Variants in MKLN1 observed in about 807,000 individuals in gnomAD.
MKLN1 encodes the protein muskelin.
Under a neutral mutation model 99.0 loss-of-function variants are expected in MKLN1, and 18 were observed. The ratio of observed to expected loss-of-function variants is 0.18; its 90% CI spans 0.13 to 0.27. MKLN1 has a LOEUF of 0.27. MKLN1 is among the 10% of genes least tolerant of loss of function. The pLI, the probability that MKLN1 is intolerant of heterozygous loss-of-function variation, is 1.00. For missense variants in MKLN1, 621 were observed against 875.9 expected (o/e 0.71, Z 3.67); for synonymous variants, 288 against 293.2 (o/e 0.98, Z 0.18).
chr7:131,332,526 C>T lies in MKLN1; in HGVS notation c.98+4529C>T, dbSNP rs181807848. On this transcript the variant is annotated intron_variant, in intron 1 of 17. Transcript: ENST00000352689. ...GTAAAAAATGCTCTATGTTTATTAT[C>T]GAATATTTGTAAAATATGGACCCAC... Among the ~76,000 whole-genome samples the T allele has an allele frequency of 6.5e-4, 98 of 149,754 alleles. 1 individual carries two copies. The highest frequency in any genetic ancestry group is 2.1e-3 in the Admixed American group (32 of 14,992).
At chr7:131,434,394 T>G (rs1795617547) in intron 9 of MKLN1, among the ~76,000 whole-genome samples, 1 of 152,198 alleles carries the variant, frequency 6.6e-6, no homozygotes, top group Admixed American at 6.5e-5. Context: ...ATTTGTTGGC[T>G]GGTAATATAG....
At chr7:131,313,503 T>G (rs986086069) in intron 3 of MKLN1, among the ~76,000 whole-genome samples, 1 of 152,236 alleles carries the variant, frequency 6.6e-6, no homozygotes, top group Non-Finnish European at 1.5e-5. Context: ...TGTACCTTTG[T>G]AAATGGAAAA....
chr7:131,294,408 G>C (rs575067940), intron 3 of MKLN1, among the ~76,000 whole-genome samples: 1 of 140,880 alleles, frequency 7.1e-6, no homozygotes, highest in Non-Finnish European at 1.6e-5. Flanking sequence ...GTGAATCTAG[G>C]TGAAGCATAT....
At chr7:131,307,137 T>A (rs1030937381) in intron 3 of MKLN1, among the ~76,000 whole-genome samples, 3 of 151,878 alleles carry the variant, frequency 2.0e-5, no homozygotes, top group Non-Finnish European at 4.4e-5. Context: ...TGCTCCAGAG[T>A]GTGCTGCCCC....
intron 12 of MKLN1, among the ~76,000 whole-genome samples, chr7:131,454,325 G>GT (rs1263148905): frequency 1.1e-4 from 17 of 152,270 alleles, no homozygotes; most frequent in Admixed American, 3.3e-4. Flanking sequence ...AAAGAGTTCA[G>GT]TTTTTTATAG....
At chr7:131,213,778 A>T (rs1379841464) in intron 3 of MKLN1, among the ~76,000 whole-genome samples, 2 of 152,208 alleles carry the variant, frequency 1.3e-5, no homozygotes, top group Non-Finnish European at 2.9e-5. Flanking sequence ...AAATTTTGCC[A>T]ATTTATAGGT....
rs116527244 is a variant in MKLN1 at position 131,145,727 on chromosome 7, A to G, written c.-297+2786A>G. 8.0e-3 allele frequency among the ~76,000 whole-genome samples: 1,218 copies of G among 152,350 alleles called. 17 individuals carry two copies. The highest frequency in any genetic ancestry group is 0.027 in the African/African-American group (1,124 of 41,576). On this transcript the variant is annotated intron_variant, in intron 2 of 7. Transcript: ENST00000416992. ...GGAGAGATTTGATCTCTTCTGGGTA[A>G]TCCCAAATGGCAGATTGAGGGCCAA...
intron 1 of MKLN1, among the ~76,000 whole-genome samples, chr7:131,329,167 A>G (rs1584609497): frequency 6.6e-6 from 1 of 152,244 alleles, no homozygotes; most frequent in Non-Finnish European, 1.5e-5. Flanking sequence ...AATTCTTCAC[A>G]TTTATCCAAA....
intron 10 of MKLN1, among the ~76,000 whole-genome samples, chr7:131,440,479 T>C (rs1353056841): frequency 6.6e-6 from 1 of 151,564 alleles, no homozygotes; most frequent in Non-Finnish European, 1.5e-5. Context: ...CAATTACATA[T>C]GAAAAACTAA....
At chr7:131,447,257 T>C (rs982399824) in intron 12 of MKLN1, among the ~76,000 whole-genome samples, 3 of 152,240 alleles carry the variant, frequency 2.0e-5, no homozygotes, top group Non-Finnish European at 2.9e-5. Flanking sequence ...TTTAGAAATA[T>C]GGACCTGAAT....
chr7:131,472,744 A>C (rs1236030413), intron 16 of MKLN1, among the ~76,000 whole-genome samples: 2 of 151,972 alleles, frequency 1.3e-5, no homozygotes, highest in African/African-American at 4.8e-5. Flanking sequence ...AGGTCAGGAG[A>C]TCGAGACCAT....
At chr7:131,285,632 G>A (rs1798120340) in intron 3 of MKLN1, among the ~76,000 whole-genome samples, 1 of 152,138 alleles carries the variant, frequency 6.6e-6, no homozygotes, top group Non-Finnish European at 1.5e-5. Context: ...CTCTTAAAAA[G>A]TAGCGATGAG....
intron 4 of MKLN1, among the ~76,000 whole-genome samples, chr7:131,395,192 A>G (rs959541790): frequency 3.3e-5 from 5 of 152,044 alleles, no homozygotes; most frequent in African/African-American, 9.7e-5. Context: ...ATGTTTGGCA[A>G]ATACCCAAAT....
At chr7:131,257,095 TTGTAACAACAC>T (rs1392361299) in intron 3 of MKLN1, among the ~76,000 whole-genome samples, 1 of 152,228 alleles carries the variant, frequency 6.6e-6, no homozygotes, top group Non-Finnish European at 1.5e-5. Context: ...ATTGTTGGGC[TTGTAACAACAC>T]TGTAGACTAG....
At position 131,387,104 on chromosome 7, in the gene MKLN1, T is replaced by C. The variant is rs757840781; in HGVS notation, c.169-16T>C. 6 of 1,578,570 alleles carry C rather than the reference T, an allele frequency of 3.8e-6. No homozygotes were observed. The highest frequency in any genetic ancestry group is 5.1e-6 in the Non-Finnish European group (6 of 1,168,232). On this transcript the variant is annotated splice_polypyrimidine_tract_variant and intron_variant, in intron 2 of 17. Coordinates refer to ENST00000352689, the MANE Select transcript of MKLN1 (RefSeq NM_013255.5). ...TTAAACAGAAGAGGATATAATTTGG[T>C]CGTTTCTTTTTTTAGTACTTGATTC...
rs527702723 is a variant in MKLN1, at chr7:131,400,518, A to AAATATATATATATAT, written c.703+1086_703+1087insATATATATATATATA. 2.8e-3 allele frequency among the ~76,000 whole-genome samples: 383 copies of AAATATATATATATAT among 137,384 alleles called. 5 individuals are homozygous for AAATATATATATATAT. The highest frequency in any genetic ancestry group is 9.5e-3 in the African/African-American group (339 of 35,612). 90.1% of individuals were successfully genotyped at this position (137,384 alleles called of 152,430 possible). On this transcript the variant is annotated intron_variant, in intron 6 of 17. Transcript: ENST00000352689. ...TTTAAAATGCTACCAATAAAAAAAA[A>AAATATATATATATAT]ATATATATATATATATATATATGCC... is the stretch of plus-strand genomic sequence containing the variant.
At chr7:131,348,136 A>G (rs906225813) in intron 1 of MKLN1, among the ~76,000 whole-genome samples, 3 of 152,142 alleles carry the variant, frequency 2.0e-5, no homozygotes, top group African/African-American at 4.8e-5. Flanking sequence ...TTAAACAGAA[A>G]AGCACTCCAA....
intron 12 of MKLN1, among the ~76,000 whole-genome samples, chr7:131,455,569 T>C (rs1165011701): frequency 6.6e-6 from 1 of 152,224 alleles, no homozygotes; most frequent in Non-Finnish European, 1.5e-5. Flanking sequence ...ATGATTAACG[T>C]TTACTGATCT....
chr7:131,353,912 A>T (rs1460562594), intron 1 of MKLN1, among the ~76,000 whole-genome samples: 2 of 150,956 alleles, frequency 1.3e-5, no homozygotes, highest in Non-Finnish European at 3.0e-5. Flanking sequence ...GTAAAAAAAA[A>T]AAAAAAAAAA....
Sources: allele counts gnomAD v4.1 joint callset (sites outside exome capture counted in the v4.1 genomes callset), GRCh38; gene constraint gnomAD v4.1.1; transcripts MANE v1.5; gene names NCBI Gene and HGNC (gene_info 2026-07-23, HGNC 2026-07-21).